FOXP1: variants seen among roughly 807,000 people sequenced by gnomAD.
FOXP1 encodes forkhead box P1, also known as forkhead box protein P1.
A neutral mutation model predicts 98.2 loss-of-function variants in FOXP1; 15 were observed. The ratio of observed to expected loss-of-function variants is 0.15; its 90% CI spans 0.10 to 0.24. The LOEUF (loss-of-function observed/expected upper bound fraction) is 0.24. FOXP1 is among the 10% of genes least tolerant of loss of function. The pLI is 1.00. For synonymous variants in FOXP1, 371 were observed against 314.5 expected (o/e 1.18, Z -1.90); for missense variants, 633 against 848.5 (o/e 0.75, Z 3.15).
chr3:71,181,476 C>T (rs1560075234), intron 6 of FOXP1, among the ~76,000 whole-genome samples: 2 of 152,214 alleles, frequency 1.3e-5, no homozygotes, highest in African/African-American at 2.4e-5. Context: ...GATGGCAAAA[C>T]TTGCCCAACT....
At chr3:71,192,162 A>G (rs2063020428) in intron 6 of FOXP1, among the ~76,000 whole-genome samples, 1 of 152,180 alleles carries the variant, frequency 6.6e-6, no homozygotes, top group Admixed American at 6.5e-5. Context: ...TTTCAGACAC[A>G]GTCAGTCTCC....
At chr3:70,993,348 GT>G in intron 13 of FOXP1, among the ~76,000 whole-genome samples, 1 of 152,176 alleles carries the variant, frequency 6.6e-6, no homozygotes, top group East Asian at 1.9e-4. Context: ...CCAAAGCCGG[GT>G]TTTAAAACCA....
rs1369713131 is a variant in FOXP1, at chr3:70,956,690, C to G, written c.*2557G>C. 2 of 207,884 alleles carry G rather than the reference C, an allele frequency of 9.6e-6. No homozygotes were observed. Among genetic ancestry groups the G allele is most frequent in the East Asian group, 1.5e-4 (2 of 13,642 alleles). 12.9% of individuals were successfully genotyped at this position (207,884 alleles called of 1,614,324 possible). ...AGCACAGGGCCCCCTTCCCATGACC[C>G]TGTCTGGCTACTGCCTGCACATCAT... On this transcript the variant is annotated 3_prime_UTR_variant, in exon 21 of 21. Coordinates refer to ENST00000649528, the MANE Select transcript of FOXP1 (RefSeq NM_001349338.3).
intron 2 of FOXP1, among the ~76,000 whole-genome samples, chr3:71,502,045 C>T (rs2041421068): frequency 6.6e-6 from 1 of 152,312 alleles, no homozygotes; most frequent in South Asian, 2.1e-4. Flanking sequence ...TTTTGGGGAG[C>T]CAGGAAGAGT....
chr3:71,317,683 T>G (rs534628154), intron 4 of FOXP1, among the ~76,000 whole-genome samples: 36 of 152,214 alleles, frequency 2.4e-4, no homozygotes, highest in African/African-American at 7.7e-4. Context: ...TTAATTAATC[T>G]TCCCCCAAAT....
chr3:71,223,380 A>C (rs780248802), intron 5 of FOXP1, among the ~76,000 whole-genome samples: 15 of 151,840 alleles, frequency 9.9e-5, no homozygotes, highest in Non-Finnish European at 2.1e-4. Flanking sequence ...AACCCAGTTC[A>C]AATATTACCT....
At chr3:71,240,377 G>A (rs1037632671) in intron 5 of FOXP1, among the ~76,000 whole-genome samples, 4 of 152,246 alleles carry the variant, frequency 2.6e-5, no homozygotes, top group Middle Eastern at 3.2e-3. Flanking sequence ...CCTGGCTCAA[G>A]CAGGGTAGCA....
At chr3:71,543,630 A>G (rs1047137099) in intron 2 of FOXP1, 3 of 152,296 alleles carry the variant, frequency 2.0e-5, no homozygotes, top group African/African-American at 7.2e-5. Context: ...ACTCTCAGCT[A>G]GCCGTGGAGG....
At chr3:71,081,029 A>C (rs1183277154) in intron 7 of FOXP1, among the ~76,000 whole-genome samples, 1 of 152,198 alleles carries the variant, frequency 6.6e-6, no homozygotes, top group Non-Finnish European at 1.5e-5. Flanking sequence ...CAGGATTTGC[A>C]ACTCTGAAAG....
At chr3:70,976,783 G>T (rs764389635) in intron 17 of FOXP1, among the ~76,000 whole-genome samples, 158 bp downstream of exon 17, 1 of 152,150 alleles carries the variant, frequency 6.6e-6, no homozygotes, top group Non-Finnish European at 1.5e-5. Flanking sequence ...AACCACAATG[G>T]CACTATTTTC....
At chr3:71,371,412 A>G (rs2079304439) in intron 3 of FOXP1, among the ~76,000 whole-genome samples, 1 of 152,126 alleles carries the variant, frequency 6.6e-6, no homozygotes, top group South Asian at 2.1e-4. Flanking sequence ...CTGACACCGC[A>G]ATCCATTCCC....
At chr3:71,384,168 T>C (rs76535569) in intron 3 of FOXP1, among the ~76,000 whole-genome samples, 20 of 152,258 alleles carry the variant, frequency 1.3e-4, no homozygotes, top group African/African-American at 4.6e-4. Context: ...TGCAGTGAGC[T>C]GAGATCGCCC....
intron 11 of FOXP1, among the ~76,000 whole-genome samples, chr3:71,023,714 C>T (rs756947779): frequency 3.9e-5 from 6 of 152,134 alleles, no homozygotes; most frequent in Non-Finnish European, 7.3e-5. Context: ...GATGGGAATA[C>T]GAATTTGATC....
At chr3:71,429,792 C>T (rs1016143287) in intron 3 of FOXP1, among the ~76,000 whole-genome samples, 1 of 152,202 alleles carries the variant, frequency 6.6e-6, no homozygotes, top group Non-Finnish European at 1.5e-5. Flanking sequence ...AATCACCCCA[C>T]GGTGCCTGAT....
At chr3:71,553,672 A>T (rs1472118761) in intron 2 of FOXP1, among the ~76,000 whole-genome samples, 1 of 152,214 alleles carries the variant, frequency 6.6e-6, no homozygotes, top group Non-Finnish European at 1.5e-5. Context: ...TTTCCAACAG[A>T]GTCTGAACAA....
At chr3:71,166,172 T>A (rs544423423) in intron 6 of FOXP1, among the ~76,000 whole-genome samples, 1 of 151,900 alleles carries the variant, frequency 6.6e-6, no homozygotes, top group African/African-American at 2.4e-5. Context: ...GTGCAGGGAG[T>A]CTTCCAGGAA....
rs553785235 is a variant in FOXP1 at position 71,207,096 on chromosome 3, G to A, written c.-11-8704C>T. 2.9e-4 allele frequency among the ~76,000 whole-genome samples: 44 copies of A among 152,230 alleles called. No individual in the cohort carries two copies. In the East Asian group the frequency reaches 5.2e-3, roughly 18 times the overall value. On this transcript the variant is annotated intron_variant, in intron 5 of 20. Transcript: ENST00000649528. ...GATGGGGCCAGGTGTTCTGGGGAGC[G>A]TAATTAAAATGCATTTTTACAGAAC... is the stretch of plus-strand genomic sequence containing the variant.
chr3:71,397,238 A>C (rs1201631910), intron 3 of FOXP1, among the ~76,000 whole-genome samples: 2 of 151,246 alleles, frequency 1.3e-5, no homozygotes, highest in African/African-American at 2.4e-5. Context: ...AATTGCATGA[A>C]GAGAGCTTAG....
intron 7 of FOXP1, among the ~76,000 whole-genome samples, chr3:71,065,426 C>G (rs1203876834): frequency 2.6e-5 from 4 of 152,230 alleles, no homozygotes; most frequent in African/African-American, 9.6e-5. Flanking sequence ...GTACGCAGGT[C>G]TCCTAGGCAG....
Sources: allele counts gnomAD v4.1 joint callset (sites outside exome capture counted in the v4.1 genomes callset), GRCh38; gene constraint gnomAD v4.1.1; transcripts MANE v1.5; gene names NCBI Gene and HGNC (gene_info 2026-07-23, HGNC 2026-07-21).